MTR: variants seen among roughly 807,000 people sequenced by gnomAD.
The protein encoded by MTR is methionine synthase.
In MTR, 84 loss-of-function variants were observed where a neutral mutation model predicts 154.8. That is an observed-to-expected ratio of 0.54 (90% CI 0.45 to 0.65). MTR has a LOEUF of 0.65. Among genes scored for constraint, MTR ranks in the 30% least tolerant of loss-of-function variants. The pLI, the probability that MTR is intolerant of heterozygous loss-of-function variation, is 0.00. For missense variants in MTR, 1,275 were observed against 1,570.2 expected (o/e 0.81, Z 3.18); for synonymous variants, 554 against 553.9 (o/e 1.00, Z 0.00).
At chr1:236,850,577 C>A in intron 16 of MTR, 54 bp downstream of exon 16, 2 of 1,473,092 alleles carry the variant, frequency 1.4e-6, no homozygotes, top group South Asian at 2.3e-5. Context: ...TCCCATGGGT[C>A]TAATGAATGG....
At chr1:236,843,144 G>A (rs1003223278) in intron 15 of MTR, among the ~76,000 whole-genome samples, 13 of 151,616 alleles carry the variant, frequency 8.6e-5, no homozygotes, top group Non-Finnish European at 1.8e-4. Context: ...TGTTGAATAC[G>A]GTAAAGGGAA....
At chr1:236,820,552 G>A (rs1383170523) in intron 8 of MTR, 6 of 617,980 alleles carry the variant, frequency 9.7e-6, no homozygotes, top group Non-Finnish European at 1.4e-5. Flanking sequence ...AAGTAACATG[G>A]AAATAAGGCT....
At position 236,800,214 on chromosome 1, in the gene MTR, TATTG is replaced by T; in HGVS notation, c.35-3207_35-3204del. ...GAAGAAGGACATGTAAATAATAGGATATTGATTGATATTGATTAATCATTTTGCC... is the reference window on the plus strand; with the variant it reads ...GAAGAAGGACATGTAAATAATAGGATATTGATATTGATTAATCATTTTGCC... On this transcript the variant is annotated intron_variant, in intron 1 of 32. Coordinates refer to ENST00000366577, the MANE Select transcript of MTR (RefSeq NM_000254.3). 3 of 985,444 alleles carry T rather than the reference TATTG, an allele frequency of 3.0e-6. No homozygotes were observed. In the South Asian group the frequency reaches 1.4e-4, roughly 46 times the overall value. 61.0% of individuals were successfully genotyped at this position (985,444 alleles called of 1,614,324 possible).
At chr1:236,832,257 T>G (rs1430847292) in intron 13 of MTR, among the ~76,000 whole-genome samples, 179 bp downstream of exon 13, 2 of 152,238 alleles carry the variant, frequency 1.3e-5, no homozygotes, top group Admixed American at 1.3e-4. Flanking sequence ...TTTGAAAAAT[T>G]GAAGCTGCTG....
chr1:236,838,374 C>T (rs373274887), intron 14 of MTR, 40 bp from the exon 15 acceptor site: 1 of 1,600,190 alleles, frequency 6.2e-7, no homozygotes, highest in Non-Finnish European at 8.6e-7. Flanking sequence ...TTATAGTGAC[C>T]TGTGGCCTCT....
At chr1:236,860,069 G>GCCCCCCCCCCCCCCCCCC (rs59525673) in intron 19 of MTR, 147 bp downstream of exon 19, 1 of 270,546 alleles carries the variant, frequency 3.7e-6, no homozygotes, top group Non-Finnish European at 6.9e-6. Context: ...TCCCCCAGCT[G>GCCCCCCCCCCCCCCCCCC]CCCCCCCCCC....
rs1661813697 is a variant in MTR, at chr1:236,819,747, A to G, written c.764+3204A>G. On this transcript the variant is annotated intron_variant, in intron 8 of 32. Coordinates refer to ENST00000366577, the MANE Select transcript of MTR (RefSeq NM_000254.3). ...ACTTGACTTCCAAATGAAGCAGTAC[A>G]TCTATAAAAGGAAAAATGATGGGAT... 4.0e-6 allele frequency: 3 copies of G among 744,532 alleles called. No homozygotes were observed. In the South Asian group the frequency reaches 4.0e-5, roughly 10 times the overall value. 46.1% of individuals were successfully genotyped at this position (744,532 alleles called of 1,614,324 possible).
At position 236,795,383 on chromosome 1, in the gene MTR, C is replaced by T; in HGVS notation, c.-321C>T. The stretch of plus-strand genomic sequence containing the variant: ...TCCTCTGCCGGTTTTCTCTTGGGTC[C>T]TTTTCCGTGCCGTCCCGCGACTCCG... On this transcript the variant is annotated 5_prime_UTR_variant, in exon 1 of 33. Transcript: ENST00000366577. 1.4e-6 allele frequency: 2 copies of T among 1,403,430 alleles called. No individual in the cohort carries two copies. Among genetic ancestry groups the T allele is most frequent in the Non-Finnish European group, 1.9e-6 (2 of 1,062,362 alleles). The allele number at this position is 1,403,430 out of a possible 1,614,324, so 86.9% of individuals were successfully genotyped here. A position where few individuals can be genotyped will look rare whatever the true frequency, so the allele number is the denominator to read the frequency against.
chr1:236,833,111 C>G (rs1470236773), intron 13 of MTR, among the ~76,000 whole-genome samples: 1 of 152,202 alleles, frequency 6.6e-6, no homozygotes, highest in Non-Finnish European at 1.5e-5. Flanking sequence ...CCCTCCCATC[C>G]TGATCTGTCA....
chr1:236,811,226 A>C (rs1661284235), intron 5 of MTR, among the ~76,000 whole-genome samples: 1 of 152,184 alleles, frequency 6.6e-6, no homozygotes, highest in African/African-American at 2.4e-5. Flanking sequence ...TTATAAGAAC[A>C]GCACAGGAAA....
At chr1:236,894,892 T>A (rs915934851) in intron 30 of MTR, 5 of 381,698 alleles carry the variant, frequency 1.3e-5, no homozygotes, top group Admixed American at 8.8e-5. Flanking sequence ...TAAAAACAAA[T>A]TTTTATTTCA....
At chr1:236,837,039 T>A (rs948454711) in intron 14 of MTR, among the ~76,000 whole-genome samples, 4 of 152,176 alleles carry the variant, frequency 2.6e-5, no homozygotes, top group African/African-American at 9.7e-5. Flanking sequence ...TTTCTTATCT[T>A]TCTTGGTTTT....
At chr1:236,835,059 A>G (rs887735959) in intron 13 of MTR, among the ~76,000 whole-genome samples, 1 of 152,284 alleles carries the variant, frequency 6.6e-6, no homozygotes, top group African/African-American at 2.4e-5. Flanking sequence ...CTGAAGAGTT[A>G]TATCATTTTG....
At chr1:236,831,492 A>G (rs550795216) in intron 12 of MTR, among the ~76,000 whole-genome samples, 1 of 152,286 alleles carries the variant, frequency 6.6e-6, no homozygotes, top group African/African-American at 2.4e-5. Context: ...TAGGCCTCTG[A>G]ATCAAAGAAA....
intron 13 of MTR, among the ~76,000 whole-genome samples, chr1:236,835,256 G>T (rs758654789): frequency 6.6e-6 from 1 of 152,072 alleles, no homozygotes; most frequent in South Asian, 2.1e-4. Context: ...TGGGTAAGAA[G>T]ATGGGGCCAG....
In MTR at chr1:236,795,641, C is replaced by G; in HGVS notation, c.-63C>G. The G allele has an allele frequency of 1.2e-6, 2 of 1,610,390 alleles. No individual in the cohort carries two copies. Among genetic ancestry groups the G allele is most frequent in the Non-Finnish European group, 1.7e-6 (2 of 1,179,596 alleles). On this transcript the variant is annotated 5_prime_UTR_variant, in exon 1 of 33. Coordinates refer to ENST00000366577, the MANE Select transcript of MTR (RefSeq NM_000254.3). ...GCTGGCTGGCGTGGCCCTTGGCCGT[C>G]GTCACCTGTGGAGAGCACGTCTTCT...
At chr1:236,849,441 G>C (rs1663771852) in intron 15 of MTR, among the ~76,000 whole-genome samples, 2 of 152,224 alleles carry the variant, frequency 1.3e-5, no homozygotes, top group South Asian at 4.1e-4. Context: ...GGCTGGTTTA[G>C]AGAGGGTGAT....
rs1308268645 is a variant in MTR at position 236,795,297 on chromosome 1, T to G, written c.-407T>G. On this transcript the variant is annotated 5_prime_UTR_variant, in exon 1 of 33. Transcript: ENST00000366577. ...GCCGAGGATAGATTGAGCGCAGAAC[T>G]AACCGCGCTCTGAAAGGTTCTAAAT... The G allele has an allele frequency of 8.2e-7, 1 of 1,217,346 alleles. No individual in the cohort carries two copies. The highest frequency in any genetic ancestry group is 5.5e-5 in the East Asian group (1 of 18,086). The allele number at this position is 1,217,346 out of a possible 1,614,324, so 75.4% of individuals were successfully genotyped here.
At chr1:236,879,045 T>G (rs746401929) in intron 24 of MTR, among the ~76,000 whole-genome samples, 57 of 152,372 alleles carry the variant, frequency 3.7e-4, no homozygotes, top group Non-Finnish European at 6.8e-4. Flanking sequence ...TTGTCTGTCT[T>G]ATGAGTTTTT....
Sources: allele counts gnomAD v4.1 joint callset (sites outside exome capture counted in the v4.1 genomes callset), GRCh38; gene constraint gnomAD v4.1.1; transcripts MANE v1.5; gene names NCBI Gene and HGNC (gene_info 2026-07-23, HGNC 2026-07-21).